The following ARL6IP6 variants were observed in gnomAD, a reference collection of about 807,000 sequenced individuals.
ARL6IP6 encodes ADP-ribosylation factor-like protein 6-interacting protein 6.
A neutral mutation model predicts 21.5 loss-of-function variants in ARL6IP6; 22 were observed. That is an observed-to-expected ratio of 1.02 (90% CI 0.73 to 1.46). The LOEUF (loss-of-function observed/expected upper bound fraction) is 1.46. ARL6IP6 is among the 40% of genes most tolerant of loss of function. The pLI, the probability that ARL6IP6 is intolerant of heterozygous loss-of-function variation, is 0.00. For missense variants in ARL6IP6, 388 were observed against 299.8 expected, an observed-to-expected ratio of 1.29 and a Z score of -2.17; for synonymous variants, 164 against 125.3, an observed-to-expected ratio of 1.31 and a Z score of -2.06.
intron 3 of ARL6IP6, among the ~76,000 whole-genome samples, chr2:152,757,796 A>G (rs1701655403): frequency 6.6e-6 from 1 of 152,196 alleles, no homozygotes; most frequent in Admixed American, 6.5e-5. Context: ...ACTAGGAACC[A>G]CTACTCCCGA....
intron 2 of ARL6IP6, among the ~76,000 whole-genome samples, chr2:152,723,379 T>C (rs59706769): frequency 0.019 from 2,840 of 152,338 alleles, 90 homozygotes; most frequent in African/African-American, 0.065. Context: ...CGTAGCCAAA[T>C]GTAATAATGT....
At chr2:152,740,578 T>G (rs2105145810) in intron 3 of ARL6IP6, among the ~76,000 whole-genome samples, 1 of 152,112 alleles carries the variant, frequency 6.6e-6, no homozygotes, top group East Asian at 1.9e-4. Flanking sequence ...AATTTAGATG[T>G]GTATATATAT....
intron 3 of ARL6IP6, among the ~76,000 whole-genome samples, chr2:152,747,463 A>G (rs1701107792): frequency 6.6e-6 from 1 of 152,092 alleles, no homozygotes; most frequent in Non-Finnish European, 1.5e-5. Context: ...TACAAGCTGA[A>G]TGGCTCCTTT....
intron 3 of ARL6IP6, among the ~76,000 whole-genome samples, chr2:152,742,344 G>T (rs1200577124): frequency 6.6e-6 from 1 of 152,080 alleles, no homozygotes. Flanking sequence ...AAGGTGGGAG[G>T]ATGGCTTGAG....
At chr2:152,732,032 T>C (rs1404490738) in intron 2 of ARL6IP6, among the ~76,000 whole-genome samples, 2 of 152,068 alleles carry the variant, frequency 1.3e-5, no homozygotes, top group African/African-American at 4.8e-5. Context: ...ACCAATCCTT[T>C]ACCTTCATTA....
At chr2:152,734,933 G>T (rs1700484142) in intron 2 of ARL6IP6, 61 bp from the exon 3 acceptor site, 1 of 1,510,766 alleles carries the variant, frequency 6.6e-7, no homozygotes, top group Admixed American at 1.7e-5. Flanking sequence ...GAGAGTACTG[G>T]TTTAATTTAA....
At chr2:152,719,750 G>GAAAAAAAAA (rs11328553) in intron 1 of ARL6IP6, 38 of 255,148 alleles carry the variant, frequency 1.5e-4, no homozygotes, top group East Asian at 3.5e-4. Flanking sequence ...CCAAGTTACT[G>GAAAAAAAAA]AAAAAAAAAA....
At chr2:152,732,381 T>A (rs1700358512) in intron 2 of ARL6IP6, 1 of 237,964 alleles carries the variant, frequency 4.2e-6, no homozygotes, top group Non-Finnish European at 8.8e-6. Flanking sequence ...TGTCAGTTGA[T>A]GAAAAAATGA....
chr2:152,760,054 G>T lies in ARL6IP6; in HGVS notation c.*214G>T. On this transcript the variant is annotated 3_prime_UTR_variant, in exon 4 of 4. Coordinates refer to ENST00000326446, the MANE Select transcript of ARL6IP6 (RefSeq NM_152522.7). ...ATACAGATTAATTGGGAATATCTGA[G>T]TATTAAGTACTTTCTTCAGAGTATA... is the stretch of plus-strand genomic sequence containing the variant. 1 of 451,704 alleles carries T rather than the reference G, an allele frequency of 2.2e-6. No homozygotes were observed. The allele number at this position is 451,704 out of a possible 1,614,324, so 28.0% of individuals were successfully genotyped here.
chr2:152,753,619 TAA>T (rs566894411), intron 3 of ARL6IP6, among the ~76,000 whole-genome samples: 1 of 144,566 alleles, frequency 6.9e-6, no homozygotes. Context: ...AGGTGTTTAT[TAA>T]AAAAAAAAAG....
At chr2:152,733,050 T>TATAA (rs1700395796) in intron 2 of ARL6IP6, among the ~76,000 whole-genome samples, 2 of 152,208 alleles carry the variant, frequency 1.3e-5, no homozygotes, top group Admixed American at 6.5e-5. Flanking sequence ...TCTCCAAGGC[T>TATAA]ATAAATGACT....
rs1402333440 is a variant in ARL6IP6 at position 152,762,001 on chromosome 2, T to C, written c.*2161T>C. Among the ~76,000 whole-genome samples, 1 of 152,188 alleles carries C rather than the reference T, an allele frequency of 6.6e-6. No individual in the cohort carries two copies. The highest frequency in any genetic ancestry group is 1.5e-5 in the Non-Finnish European group (1 of 68,040). ...AATTCTTCTGGACTGTTACTCCCCT[T>C]TTTTGGGAAATGACCCTCCTCTCTC... is the stretch of plus-strand genomic sequence containing the variant. On this transcript the variant is annotated 3_prime_UTR_variant, in exon 4 of 4. Coordinates refer to ENST00000326446, the MANE Select transcript of ARL6IP6 (RefSeq NM_152522.7).
chr2:152,729,965 A>G (rs947721771), intron 2 of ARL6IP6, among the ~76,000 whole-genome samples: 2 of 152,186 alleles, frequency 1.3e-5, no homozygotes, highest in Non-Finnish European at 2.9e-5. Flanking sequence ...TAAAAAATTT[A>G]GTTGTTGGGG....
chr2:152,729,823 T>C (rs993774649), intron 2 of ARL6IP6, among the ~76,000 whole-genome samples: 3 of 152,226 alleles, frequency 2.0e-5, no homozygotes, highest in Non-Finnish European at 4.4e-5. Context: ...GGAATGAAAT[T>C]GGCAAACTGA....
At chr2:152,719,765 A>AC (rs1559219853) in intron 1 of ARL6IP6, 618 of 275,414 alleles carry the variant, frequency 2.2e-3, no homozygotes, top group Middle Eastern at 3.7e-3. Flanking sequence ...AAAAAAAAAA[A>AC]AAAAAAAAAC....
At chr2:152,731,203 T>C (rs1054218355) in intron 2 of ARL6IP6, among the ~76,000 whole-genome samples, 1 of 152,146 alleles carries the variant, frequency 6.6e-6, no homozygotes, top group Non-Finnish European at 1.5e-5. Context: ...ACATCCCTCT[T>C]CTGGAGAAAT....
chr2:152,735,634 T>C (rs897146436), intron 3 of ARL6IP6, among the ~76,000 whole-genome samples: 1 of 152,168 alleles, frequency 6.6e-6, no homozygotes, highest in East Asian at 1.9e-4. Context: ...CTTTGGTCTA[T>C]ATTTTCCATG....
intron 2 of ARL6IP6, among the ~76,000 whole-genome samples, chr2:152,728,072 A>G (rs552544589): frequency 6.6e-6 from 1 of 152,244 alleles, no homozygotes; most frequent in South Asian, 2.1e-4. Context: ...TTTCACTGTT[A>G]TAGGAAAAAT....
upstream of ARL6IP6, chr2:152,718,334 A>G (rs1034836863): frequency 6.0e-6 from 2 of 331,452 alleles, no homozygotes; most frequent in Non-Finnish European, 1.1e-5. Context: ...GAAGCCCCGC[A>G]GGGAGTGGAT....
Sources: allele counts gnomAD v4.1 joint callset (sites outside exome capture counted in the v4.1 genomes callset), GRCh38; gene constraint gnomAD v4.1.1; transcripts MANE v1.5; gene names NCBI Gene and HGNC (gene_info 2026-07-23, HGNC 2026-07-21).